The following CIZ1 variants were observed in gnomAD, a reference collection of about 807,000 sequenced individuals.
The protein encoded by CIZ1 is cip1-interacting zinc finger protein.
Under a neutral mutation model 118.6 loss-of-function variants are expected in CIZ1, and 58 were observed. The ratio of observed to expected loss-of-function variants is 0.49; its 90% CI spans 0.40 to 0.61. The LOEUF is 0.61. Among genes scored for constraint, CIZ1 ranks in the 20% least tolerant of loss-of-function variants. The pLI is 0.00. For synonymous variants in CIZ1, 448 were observed against 443.4 expected, an observed-to-expected ratio of 1.01 and a Z score of -0.13; for missense variants, 921 against 1,115.9, an observed-to-expected ratio of 0.83 and a Z score of 2.49.
In CIZ1 at chr9:128,203,655, G is replaced by GCCGACCC. The variant is rs1564315259; in HGVS notation, c.-6+524_-6+530dup. Reference sequence around the variant, plus strand: ...AGGTAGGCGCGGCGCGCCCCCAGGCGCCGACCCCCGACCCCCGGGATCCCT... The same window carrying GCCGACCC: ...AGGTAGGCGCGGCGCGCCCCCAGGCGCCGACCCCCGACCCCCGACCCCCGGGATCCCT... On this transcript the variant is annotated intron_variant, in intron 1 of 17. Transcript: ENST00000372948. The surrounding 1 kb of genome is among the most constrained non-coding windows in gnomAD (Gnocchi z 5.3). 4.0e-6 allele frequency: 6 copies of GCCGACCC among 1,495,314 alleles called. No individual in the cohort carries two copies. The highest frequency in any genetic ancestry group is 1.4e-5 in the African/African-American group (1 of 69,112). The allele number at this position is 1,495,314 out of a possible 1,614,324, so 92.6% of individuals were successfully genotyped here.
At chr9:128,180,346 C>A in intron 7 of CIZ1, 69 bp downstream of exon 7, 1 of 1,191,134 alleles carries the variant, frequency 8.4e-7, no homozygotes. Flanking sequence ...CTGCCATTGC[C>A]ACCCCTGCCT....
rs1375105966 is a variant in CIZ1, at chr9:128,177,614, G to C, written c.1770C>G (p.Ala590=). ...PAATSTPSKQ[A]LQFFCYICKA... ...TGCAGATGTAGCAGAAGAACTGGAG[G>C]GCCTGCTTAGAGGGAGTGCTGGTAG... is the stretch of plus-strand genomic sequence containing the variant. The change falls in exon 10 of 17, where the codon GCC becomes GCG. Residue 590 remains alanine, a synonymous_variant. Coordinates refer to ENST00000372938, the MANE Select transcript of CIZ1 (RefSeq NM_001131016.2). 1 of 1,559,530 alleles carries C rather than the reference G, an allele frequency of 6.4e-7. No individual in the cohort carries two copies. The highest frequency in any genetic ancestry group is 1.2e-5 in the South Asian group (1 of 84,228).
intron 14 of CIZ1, 190 bp downstream of exon 14, chr9:128,168,862 T>C: frequency 1.2e-6 from 1 of 817,908 alleles, no homozygotes; most frequent in Non-Finnish European, 1.9e-6. Flanking sequence ...TTGCATATTT[T>C]AACTGCCACT....
At chr9:128,168,484 C>A (rs1432424116) in intron 14 of CIZ1, among the ~76,000 whole-genome samples, 2 of 148,856 alleles carry the variant, frequency 1.3e-5, no homozygotes, top group African/African-American at 5.0e-5. Flanking sequence ...CCATTGTACT[C>A]TAGCCTGGGC....
At chr9:128,195,123 A>G (rs1233292962), upstream of CIZ1, among the ~76,000 whole-genome samples, 1 of 152,174 alleles carries the variant, frequency 6.6e-6, no homozygotes, top group Admixed American at 6.5e-5. Flanking sequence ...CATTCAGCCA[A>G]AACATTATTT....
At chr9:128,172,576 T>A (rs1352865686) in intron 11 of CIZ1, among the ~76,000 whole-genome samples, 1 of 152,192 alleles carries the variant, frequency 6.6e-6, no homozygotes, top group Non-Finnish European at 1.5e-5. Flanking sequence ...TTCATAAATT[T>A]TAGGGGACAC....
In CIZ1 at chr9:128,176,425, C is replaced by G. The variant is rs2130942799; in HGVS notation, c.1869G>C (p.Glu623Asp). The G allele has an allele frequency of 1.9e-6, 3 of 1,613,952 alleles. No individual in the cohort carries two copies. The highest frequency in any genetic ancestry group is 1.7e-4 in the Middle Eastern group (1 of 6,058). Residue 623 changes from glutamate to aspartate, a missense_variant, in exon 11 of 17, where the codon GAG (glutamate) becomes GAC (aspartate). Glu to Asp is a conservative substitution (Grantham distance 45). Coordinates refer to ENST00000372938, the MANE Select transcript of CIZ1 (RefSeq NM_001131016.2). ...GGCAGGCTTGGCTCATGTGCTGGATCTCCCCTAGCCGCTGCTGGTGCTGAG... is the reference window on the plus strand; with the variant it reads ...GGCAGGCTTGGCTCATGTGCTGGATGTCCCCTAGCCGCTGCTGGTGCTGAG... ...SEPQHQQRLG[E>D]IQHMSQACLL...
Position 128,177,469 on chromosome 9 carries a change from G to C in CIZ1, c.1818+97C>G, listed in dbSNP as rs1362395580. The C allele has an allele frequency of 3.6e-6, 3 of 836,466 alleles. No homozygotes were observed. In the African/African-American group the frequency reaches 5.2e-5, roughly 14 times the overall value. The allele number at this position is 836,466 out of a possible 1,614,324, so 51.8% of individuals were successfully genotyped here. On this transcript the variant is annotated intron_variant, in intron 10 of 16. Transcript: ENST00000372938. ...CCCAAGCAAATGCATGGCTGCTTGGGGCAGGGCCCATTGCAGCCTGAGGCA... is the reference window on the plus strand; with the variant it reads ...CCCAAGCAAATGCATGGCTGCTTGGCGCAGGGCCCATTGCAGCCTGAGGCA...
At chr9:128,190,929 C>A in intron 1 of CIZ1, 67 bp from the exon 2 acceptor site, 2 of 1,470,868 alleles carry the variant, frequency 1.4e-6, no homozygotes, top group Admixed American at 2.3e-5. Context: ...CCCTCCCATC[C>A]ACCGCCACTC....
chr9:128,203,174 A>G lies in CIZ1; in HGVS notation c.-6+1012T>C, dbSNP rs552269083. Among the ~76,000 whole-genome samples, 132 of 152,258 alleles carry G rather than the reference A, an allele frequency of 8.7e-4. No individual in the cohort carries two copies. The highest frequency in any genetic ancestry group is 3.1e-3 in the African/African-American group (127 of 41,562). ...TAGGAGTGAGACCCAACCCATTGAC[A>G]AATATATTCTGCGCAGCATCCGCGC... is the stretch of plus-strand genomic sequence containing the variant. On this transcript the variant is annotated intron_variant, in intron 1 of 17. Coordinates refer to the CIZ1 transcript ENST00000372948. The surrounding 1 kb of genome is among the most constrained non-coding windows in gnomAD (Gnocchi z 5.3).
chr9:128,199,343 G>C (rs1833453669), intron 1 of CIZ1, among the ~76,000 whole-genome samples: 1 of 151,898 alleles, frequency 6.6e-6, no homozygotes, highest in Non-Finnish European at 1.5e-5. Context: ...ACTCCAGCTT[G>C]GAGCTGGAAC....
In CIZ1 at chr9:128,190,455, G is replaced by T; in HGVS notation, c.171-11C>A. 6.3e-7 allele frequency: 1 copy of T among 1,593,992 alleles called. No individual in the cohort carries two copies. On this transcript the variant is annotated splice_polypyrimidine_tract_variant and intron_variant, in intron 2 of 16. Coordinates refer to ENST00000372938, the MANE Select transcript of CIZ1 (RefSeq NM_001131016.2). ...TGCGGGGGGAGCCCCCTGTGTGTTG[G>T]GAGGGGGTGTCAGAGGGTTATTTGG... is the stretch of plus-strand genomic sequence containing the variant.
In CIZ1 at chr9:128,178,885, G is replaced by C; in HGVS notation, c.1322C>G (p.Pro441Arg). The change falls in exon 8 of 17, where the codon CCA becomes CGA. Residue 441 changes from proline (P) to arginine (R), a missense_variant. By Grantham distance (103) the Pro-to-Arg change is moderately radical. Coordinates refer to ENST00000372938, the MANE Select transcript of CIZ1 (RefSeq NM_001131016.2). ...AGGATGCTCCTGTGGCTGGACGCTT[G>C]GCTGTGCCTGTGTGTGGACCTGTGG... ...TYPQVHTQAQ[P>R]SVQPQEHPPA... 1.2e-6 allele frequency: 2 copies of C among 1,614,244 alleles called. No homozygotes were observed. The highest frequency in any genetic ancestry group is 1.7e-6 in the Non-Finnish European group (2 of 1,180,036).
intron 4 of CIZ1, among the ~76,000 whole-genome samples, chr9:128,187,136 C>T (rs1042757300): frequency 2.6e-5 from 4 of 152,118 alleles, no homozygotes; most frequent in African/African-American, 9.7e-5. Context: ...GACAGGGTTT[C>T]ACCATGTTGG....
At chr9:128,200,275 G>A (rs991327214) in intron 1 of CIZ1, 2 of 152,114 alleles carry the variant, frequency 1.3e-5, no homozygotes, top group Non-Finnish European at 2.9e-5. Flanking sequence ...TTATCTCTAG[G>A]TGGGAGGATG....
At chr9:128,199,780 C>T (rs1488844760) in intron 1 of CIZ1, 1 of 109,482 alleles carries the variant, frequency 9.1e-6, no homozygotes, top group Non-Finnish European at 2.0e-5. Flanking sequence ...CCATTTCTTT[C>T]TTTCTTTTTT....
Position 128,176,362 on chromosome 9 carries a change from C to T in CIZ1, c.1932G>A (p.Glu644=), listed in dbSNP as rs747930059. The change falls in exon 11 of 17, where the codon GAG becomes GAA. Residue 644 remains glutamate, a synonymous_variant. Coordinates refer to ENST00000372938, the MANE Select transcript of CIZ1 (RefSeq NM_001131016.2). ...GATCCCCCACTCACTCATCCTCTGT[C>T]TCCAGGACGTCCCGGGGCACGGGCA... ...SLLPVPRDVL[E]TEDEEPPPRR... is the part of the protein sequence containing the mutation. The T allele has an allele frequency of 6.1e-5, 98 of 1,613,960 alleles. No homozygotes were observed. Among genetic ancestry groups the T allele is most frequent in the Non-Finnish European group, 7.7e-5 (91 of 1,179,958 alleles).
At position 128,185,727 on chromosome 9, in the gene CIZ1, G is replaced by A. The variant is rs754750950; in HGVS notation, c.408C>T (p.Ser136=). The change falls in exon 5 of 17, where the codon AGC becomes AGT. Residue 136 remains serine (S), a synonymous_variant. Coordinates refer to ENST00000372938, the MANE Select transcript of CIZ1 (RefSeq NM_001131016.2). ...GAGTGGCCAGTTGTGGGGGTGTGAG[G>A]CTGGGGGCTGCGAGGCCTGGGGATG... ...GMASPGLAAP[S]LTPPQLATPN... is the part of the protein sequence containing the mutation. The A allele has an allele frequency of 3.7e-6, 6 of 1,613,092 alleles. No homozygotes were observed. In the East Asian group the frequency reaches 1.1e-4, roughly 30 times the overall value.
At position 128,185,730 on chromosome 9, in the gene CIZ1, G is replaced by A; in HGVS notation, c.405C>T (p.Pro135=). ...YGMASPGLAA[P]SLTPPQLATP... ...TGGCCAGTTGTGGGGGTGTGAGGCT[G>A]GGGGCTGCGAGGCCTGGGGATGCCA... is the stretch of plus-strand genomic sequence containing the variant. Residue 135 remains proline, a synonymous_variant, in exon 5 of 17, where the codon CCC becomes CCT. Transcript: ENST00000372938. 6.2e-7 allele frequency: 1 copy of A among 1,612,906 alleles called. No homozygotes were observed. Among genetic ancestry groups the A allele is most frequent in the Non-Finnish European group, 8.5e-7 (1 of 1,179,366 alleles).
Sources: allele counts gnomAD v4.1 joint callset (sites outside exome capture counted in the v4.1 genomes callset), GRCh38; gene constraint gnomAD v4.1.1; non-coding constraint Gnocchi (gnomAD v3.1); transcripts MANE v1.5; gene names NCBI Gene and HGNC (gene_info 2026-07-23, HGNC 2026-07-21).